The following FNDC3A variants were observed in gnomAD, a reference collection of about 807,000 sequenced individuals.
The protein encoded by FNDC3A is fibronectin type III domain containing 3A, also known as fibronectin type-III domain-containing protein 3A.
FNDC3A carries 32 observed loss-of-function variants against 148.9 expected under a neutral mutation model. That is an observed-to-expected ratio of 0.21 (90% CI 0.16 to 0.29). The LOEUF (loss-of-function observed/expected upper bound fraction) is 0.29, where lower values mean the gene tolerates loss of function less well. FNDC3A is among the 10% of genes least tolerant of loss of function. The pLI, the probability that FNDC3A is intolerant of heterozygous loss-of-function variation, is 1.00. For synonymous variants in FNDC3A, 472 were observed against 473.6 expected (o/e 1.00, Z 0.04); for missense variants, 1,191 against 1,452.8 (o/e 0.82, Z 2.93).
At chr13:49,016,203 G>A (rs1872764459) in intron 2 of FNDC3A, among the ~76,000 whole-genome samples, 1 of 152,132 alleles carries the variant, frequency 6.6e-6, no homozygotes, top group African/African-American at 2.4e-5. Flanking sequence ...TCTATCTCTG[G>A]TAGAATTCAG....
At chr13:49,045,031 CT>C in intron 2 of FNDC3A, 1 of 278,346 alleles carries the variant, frequency 3.6e-6, no homozygotes, top group South Asian at 3.6e-5. Context: ...TCTCCTTTCC[CT>C]TTCCTTTCCC....
intron 1 of FNDC3A, among the ~76,000 whole-genome samples, chr13:48,976,454 G>GGCCGGGGGCGCC (rs1249971063): frequency 6.6e-6 from 1 of 152,188 alleles, no homozygotes; most frequent in East Asian, 1.9e-4. Flanking sequence ...GCGGGGGCGC[G>GGCCGGGGGCGCC]GCCGGGGGCG....
At chr13:49,142,383 T>C (rs922756315) in intron 7 of FNDC3A, among the ~76,000 whole-genome samples, 1 of 152,202 alleles carries the variant, frequency 6.6e-6, no homozygotes, top group Admixed American at 6.5e-5. Context: ...TTTCCTGGGT[T>C]ACAGTATCAT....
intron 8 of FNDC3A, among the ~76,000 whole-genome samples, chr13:49,158,206 C>T (rs1883841381): frequency 6.6e-6 from 1 of 152,204 alleles, no homozygotes; most frequent in Non-Finnish European, 1.5e-5. Flanking sequence ...GAGCCAGGTG[C>T]AGGATATAAT....
intron 2 of FNDC3A, among the ~76,000 whole-genome samples, chr13:49,050,754 A>C (rs946746410): frequency 1.3e-5 from 2 of 152,134 alleles, no homozygotes; most frequent in Admixed American, 1.3e-4. Context: ...AAAGTTCTCC[A>C]CTATTACTGT....
intron 25 of FNDC3A, among the ~76,000 whole-genome samples, chr13:49,206,483 A>T (rs376299322): frequency 1.3e-5 from 2 of 152,322 alleles, no homozygotes; most frequent in East Asian, 3.9e-4. Context: ...TTACTAGCAC[A>T]TTCCTCTGAA....
At chr13:49,059,860 T>C (rs1159624558) in intron 2 of FNDC3A, among the ~76,000 whole-genome samples, 1 of 152,138 alleles carries the variant, frequency 6.6e-6, no homozygotes, top group Non-Finnish European at 1.5e-5. Flanking sequence ...ACTGGGCAAA[T>C]GACTTGAAAA....
At chr13:49,090,230 G>A (rs542210872) in intron 3 of FNDC3A, among the ~76,000 whole-genome samples, 63 of 152,250 alleles carry the variant, frequency 4.1e-4, no homozygotes, top group African/African-American at 1.5e-3. Context: ...AGACCAGCCT[G>A]ACCAACATGG....
In FNDC3A at chr13:49,125,771, T is replaced by C. The variant is rs547066879; in HGVS notation, c.253-5366T>C. ...AACATTTATTGTGGGCTTTATATTC[T>C]GGTAAGGAAGATACACAATATAAAA... On this transcript the variant is annotated intron_variant, in intron 4 of 25. Coordinates refer to ENST00000492622, the MANE Select transcript of FNDC3A (RefSeq NM_001079673.2). Among the ~76,000 whole-genome samples, 12 of 152,268 alleles carry C rather than the reference T, an allele frequency of 7.9e-5. No individual in the cohort carries two copies. The East Asian group carries it at 2.1e-3, about 27-fold the overall frequency.
intron 2 of FNDC3A, among the ~76,000 whole-genome samples, chr13:49,013,687 G>A (rs112964180): frequency 0.04 from 6,053 of 149,868 alleles, 432 homozygotes; most frequent in African/African-American, 0.14. Context: ...ATGCTGGTGC[G>A]CTGCACCCAC....
intron 2 of FNDC3A, among the ~76,000 whole-genome samples, chr13:49,027,323 C>T (rs967375763): frequency 2.0e-5 from 3 of 152,216 alleles, no homozygotes; most frequent in East Asian, 3.9e-4. Flanking sequence ...AGCACCAAAC[C>T]GATAGGAATG....
At chr13:49,159,442 T>C (rs1459804553) in intron 8 of FNDC3A, among the ~76,000 whole-genome samples, 1 of 152,232 alleles carries the variant, frequency 6.6e-6, no homozygotes, top group Non-Finnish European at 1.5e-5. Context: ...TGTATAGTAA[T>C]GCTTGTGATT....
At chr13:49,061,318 T>TTCC (rs1876677920) in intron 2 of FNDC3A, among the ~76,000 whole-genome samples, 10 of 99,960 alleles carry the variant, frequency 1.0e-4, no homozygotes, top group Non-Finnish European at 1.0e-4. Flanking sequence ...CCCTCTCTTC[T>TTCC]CTTCCCTTCC....
At chr13:49,144,464 A>G (rs1429421270) in intron 7 of FNDC3A, among the ~76,000 whole-genome samples, 3 of 152,212 alleles carry the variant, frequency 2.0e-5, no homozygotes, top group Non-Finnish European at 4.4e-5. Context: ...AATTCAAGAT[A>G]GGAGTAATTG....
intron 2 of FNDC3A, among the ~76,000 whole-genome samples, chr13:49,021,301 C>G (rs1379603211): frequency 1.3e-5 from 2 of 152,156 alleles, no homozygotes; most frequent in Non-Finnish European, 2.9e-5. Context: ...CACCACAAGC[C>G]AACTGTGATG....
intron 4 of FNDC3A, among the ~76,000 whole-genome samples, chr13:49,130,215 T>C (rs1465316209): frequency 2.0e-5 from 3 of 151,658 alleles, no homozygotes; most frequent in African/African-American, 4.8e-5. Flanking sequence ...GTAATTCCTG[T>C]TTTTTGTTTT....
At chr13:49,161,322 G>T (rs1156575190) in intron 8 of FNDC3A, among the ~76,000 whole-genome samples, 1 of 152,144 alleles carries the variant, frequency 6.6e-6, no homozygotes, top group Non-Finnish European at 1.5e-5. Flanking sequence ...AGGATAGTTA[G>T]CTCTTCTTGT....
intron 1 of FNDC3A, among the ~76,000 whole-genome samples, chr13:49,001,452 C>T (rs778367060): frequency 2.0e-5 from 3 of 152,174 alleles, no homozygotes; most frequent in African/African-American, 4.8e-5. Flanking sequence ...CAGCAATGTT[C>T]AGGGAACAAG....
intron 7 of FNDC3A, among the ~76,000 whole-genome samples, chr13:49,143,848 A>T (rs1281808508): frequency 6.6e-6 from 1 of 152,034 alleles, no homozygotes; most frequent in South Asian, 2.1e-4. Context: ...AGCAAGCTTC[A>T]TAAAGTAGGT....
Sources: gnomAD v4.1 joint callset for allele counts (sites outside exome capture counted in the v4.1 genomes callset) on GRCh38, gnomAD v4.1.1 for gene constraint, MANE v1.5 for transcripts, NCBI Gene and HGNC (gene_info 2026-07-23, HGNC 2026-07-21) for gene names.